The following NRG2 variants were observed in gnomAD, a reference collection of about 807,000 sequenced individuals.
NRG2 encodes the protein neuregulin 2, also known as pro-neuregulin-2, membrane-bound isoform.
Under a neutral mutation model 73.9 loss-of-function variants are expected in NRG2, and 27 were observed. That is an observed-to-expected ratio of 0.37 (90% confidence interval 0.27 to 0.50). The LOEUF is 0.50. NRG2 is among the 20% of genes least tolerant of loss of function. The pLI, the probability that NRG2 is intolerant of heterozygous loss-of-function variation, is 0.96. For missense variants in NRG2, 1,126 were observed against 1,210.1 expected (o/e 0.93, Z 1.03); for synonymous variants, 532 against 541.0 (o/e 0.98, Z 0.23).
In NRG2 at chr5:139,871,845, A is replaced by G. The variant is rs767984815; in HGVS notation, c.992-4T>C. 6.2e-7 allele frequency: 1 copy of G among 1,613,366 alleles called. No homozygotes were observed. Among genetic ancestry groups the G allele is most frequent in the African/African-American group, 1.3e-5 (1 of 74,882 alleles). Reference sequence around the variant, plus strand: ...CAGGATGACAGGGTGGTGCTCACTGAGGGTATGAGAGACATGTGCCAGTGA... The same window carrying G: ...CAGGATGACAGGGTGGTGCTCACTGGGGGTATGAGAGACATGTGCCAGTGA... On this transcript the variant is annotated splice_polypyrimidine_tract_variant and splice_region_variant and intron_variant, in intron 3 of 9. Coordinates refer to ENST00000361474, the MANE Select transcript of NRG2 (RefSeq NM_004883.3).
chr5:140,015,098 A>G (rs1375480601), intron 1 of NRG2, among the ~76,000 whole-genome samples: 1 of 152,230 alleles, frequency 6.6e-6, no homozygotes, highest in South Asian at 2.1e-4. Flanking sequence ...TAGGTCTACC[A>G]TAACCACTCT....
intron 1 of NRG2, among the ~76,000 whole-genome samples, chr5:139,940,682 A>G (rs1374438871): frequency 6.6e-6 from 1 of 152,204 alleles, no homozygotes; most frequent in African/African-American, 2.4e-5. Flanking sequence ...AAGAAAACAC[A>G]TAGGTATGTG....
intron 1 of NRG2, among the ~76,000 whole-genome samples, chr5:140,020,947 T>C (rs265147): frequency 0.22 from 34,010 of 152,086 alleles, 3,979 homozygotes; most frequent in African/African-American, 0.27. Context: ...AAATACTCTA[T>C]CCCGTGTCTC....
At chr5:139,958,468 T>C (rs1754801309) in intron 1 of NRG2, among the ~76,000 whole-genome samples, 1 of 152,180 alleles carries the variant, frequency 6.6e-6, no homozygotes, top group African/African-American at 2.4e-5. Context: ...TTTGGAGTTG[T>C]TTGGGAGTTA....
At chr5:139,961,424 G>A (rs1024632035) in intron 1 of NRG2, among the ~76,000 whole-genome samples, 6 of 144,274 alleles carry the variant, frequency 4.2e-5, no homozygotes, top group African/African-American at 1.5e-4. Context: ...CATCACTCTA[G>A]AGGACAATCA....
chr5:139,906,528 A>G (rs1279016405), intron 1 of NRG2, among the ~76,000 whole-genome samples: 1 of 152,164 alleles, frequency 6.6e-6, no homozygotes, highest in African/African-American at 2.4e-5. Flanking sequence ...CTCTCTGCCC[A>G]GGATCTCTCT....
At chr5:139,882,315 T>A (rs1386854794) in intron 2 of NRG2, among the ~76,000 whole-genome samples, 2 of 152,108 alleles carry the variant, frequency 1.3e-5, no homozygotes, top group African/African-American at 4.8e-5. Flanking sequence ...CCACCTCTGA[T>A]GGGGAGCCTC....
At chr5:139,913,940 C>A (rs2127201666) in intron 1 of NRG2, among the ~76,000 whole-genome samples, 1 of 152,174 alleles carries the variant, frequency 6.6e-6, no homozygotes, top group East Asian at 1.9e-4. Flanking sequence ...ATCGTTTGAG[C>A]CCAGGAGTTT....
intron 2 of NRG2, among the ~76,000 whole-genome samples, chr5:139,883,154 G>A (rs1310480195): frequency 6.6e-6 from 1 of 152,094 alleles, no homozygotes; most frequent in African/African-American, 2.4e-5. Context: ...CTCCCTGGCA[G>A]GCCGCGTGCT....
intron 1 of NRG2, among the ~76,000 whole-genome samples, chr5:140,020,518 A>G (rs1452350198): frequency 6.6e-6 from 1 of 152,224 alleles, no homozygotes; most frequent in Non-Finnish European, 1.5e-5. Context: ...CCAAAATGTC[A>G]TTAGGGATTT....
At chr5:140,001,860 C>A (rs1181503205) in intron 1 of NRG2, among the ~76,000 whole-genome samples, 1 of 152,030 alleles carries the variant, frequency 6.6e-6, no homozygotes, top group Non-Finnish European at 1.5e-5. Context: ...AAGACCCTGT[C>A]TCTAAAATAA....
intron 1 of NRG2, among the ~76,000 whole-genome samples, chr5:140,021,916 C>T (rs1299238290): frequency 2.0e-5 from 3 of 152,182 alleles, no homozygotes; most frequent in Admixed American, 1.3e-4. Context: ...TACAGTCAGA[C>T]CTCCAGGAGT....
intron 1 of NRG2, among the ~76,000 whole-genome samples, chr5:139,965,876 G>T (rs769591615): frequency 5.3e-5 from 8 of 152,152 alleles, no homozygotes; most frequent in African/African-American, 9.7e-5. Flanking sequence ...GTGCTAGCCA[G>T]GGGGAGAGGG....
intron 1 of NRG2, among the ~76,000 whole-genome samples, chr5:139,968,011 AAATG>A (rs1561716229): frequency 6.7e-6 from 1 of 149,424 alleles, no homozygotes; most frequent in African/African-American, 2.5e-5. Context: ...ATAAATAAAT[AAATG>A]GAGAACAGGA....
chr5:140,042,355 G>A lies in NRG2; in HGVS notation c.700+15C>T, dbSNP rs1761997874. 1 of 1,506,972 alleles carries A rather than the reference G, an allele frequency of 6.6e-7. No individual in the cohort carries two copies. Among genetic ancestry groups the A allele is most frequent in the African/African-American group, 1.4e-5 (1 of 72,330 alleles). 93.4% of individuals were successfully genotyped at this position (1,506,972 alleles called of 1,614,324 possible). A position where few individuals can be genotyped will look rare whatever the true frequency, so the allele number is the denominator to read the frequency against. On this transcript the variant is annotated intron_variant, in intron 1 of 9. Transcript: ENST00000361474. ...CCCTCCCCCCTTTCTCCAGCAAAGGGAGGGGGCGACTCACCGCAGTCAGTG... is the reference window on the plus strand; with the variant it reads ...CCCTCCCCCCTTTCTCCAGCAAAGGAAGGGGGCGACTCACCGCAGTCAGTG...
At chr5:139,884,816 G>A (rs1044103978) in intron 2 of NRG2, among the ~76,000 whole-genome samples, 2 of 152,198 alleles carry the variant, frequency 1.3e-5, no homozygotes, top group Admixed American at 6.5e-5. Context: ...AATTCTCAGA[G>A]GGGCCTGTGG....
At chr5:139,907,122 A>G (rs1765285505) in intron 1 of NRG2, among the ~76,000 whole-genome samples, 1 of 151,992 alleles carries the variant, frequency 6.6e-6, no homozygotes, top group African/African-American at 2.4e-5. Context: ...GTGTGTGTGT[A>G]CACGTGGGGT....
rs749464757 is a variant in NRG2, at chr5:139,887,475, G to A, written c.737C>T (p.Thr246Met). The change falls in exon 2 of 10, where the codon ACG (threonine) becomes ATG (methionine). Residue 246 changes from threonine (T) to methionine (M), a missense_variant. Thr to Met is a moderately conservative substitution (Grantham distance 81). Transcript: ENST00000361474. The surrounding 1 kb of genome is among the most constrained non-coding windows in gnomAD (Gnocchi z 4.5). ...CGATTGCTTCTCACCCACCTGTCCC[G>A]TCTGGCTCTTCATCTTCTTCAACTT... ...RPKLKKMKSQ[T>M]GQVGEKQSLK... 65 of 1,614,166 alleles carry A rather than the reference G, an allele frequency of 4.0e-5. No homozygotes were observed. Among genetic ancestry groups the A allele is most frequent in the Middle Eastern group, 1.6e-4 (1 of 6,062 alleles).
chr5:139,857,423 A>G (rs1581780617), intron 5 of NRG2, among the ~76,000 whole-genome samples: 1 of 152,110 alleles, frequency 6.6e-6, no homozygotes, highest in Non-Finnish European at 1.5e-5. Flanking sequence ...CCTCTGTCCC[A>G]TCAGACATGG....
Sources: gnomAD v4.1 joint callset for allele counts (sites outside exome capture counted in the v4.1 genomes callset) on GRCh38, gnomAD v4.1.1 for gene constraint, Gnocchi (gnomAD v3.1) non-coding constraint, MANE v1.5 for transcripts, NCBI Gene and HGNC (gene_info 2026-07-23, HGNC 2026-07-21) for gene names.